MTRF1L: variants seen among roughly 807,000 people sequenced by gnomAD.
MTRF1L encodes the protein mitochondrial translation release factor 1 like.
In MTRF1L, 29 loss-of-function variants were observed where a neutral mutation model predicts 40.0. The observed-to-expected ratio is 0.73, with a 90% CI of 0.54 to 0.99. The LOEUF is 0.99. Ranked by LOEUF, MTRF1L falls within the 50% of genes least tolerant of loss-of-function variation. The pLI is 0.00. For synonymous variants in MTRF1L, 150 were observed against 175.8 expected, an observed-to-expected ratio of 0.85 and a Z score of 1.16; for missense variants, 412 against 464.5, an observed-to-expected ratio of 0.89 and a Z score of 1.04.
intron 3 of MTRF1L, 139 bp from the exon 4 acceptor site, chr6:152,994,815 T>A: frequency 9.5e-7 from 1 of 1,057,288 alleles, no homozygotes; most frequent in Non-Finnish European, 1.4e-6. Flanking sequence ...CATATTAAAA[T>A]ATTCAATGTT....
Position 153,002,651 on chromosome 6 carries a change from C to G in MTRF1L, c.35G>C (p.Trp12Ser). The G allele has an allele frequency of 6.6e-7, 1 of 1,507,696 alleles. No homozygotes were observed. Among genetic ancestry groups the G allele is most frequent in the Non-Finnish European group, 8.8e-7 (1 of 1,131,960 alleles). The allele number at this position is 1,507,696 out of a possible 1,614,324, so 93.4% of individuals were successfully genotyped here. A position where few individuals can be genotyped will look rare whatever the true frequency, so the allele number is the denominator to read the frequency against. ...GCCAACGGCCCGGCGGGGCCAGAGC[C>G]ACCGGGCAGCGCCCCACAGAACCCG... The part of the protein sequence containing the change: ...RSRVLWGAAR[W>S]LWPRRAVGPA... The change falls in exon 1 of 7, where the codon TGG (tryptophan) becomes TCG (serine). Residue 12 changes from tryptophan to serine, a missense_variant. By Grantham distance (177) the Trp-to-Ser change is radical. Coordinates refer to ENST00000367233, the MANE Select transcript of MTRF1L (RefSeq NM_019041.7).
At position 152,992,991 on chromosome 6, in the gene MTRF1L, T is replaced by G. The variant is rs200791146; in HGVS notation, c.688-17A>C. On this transcript the variant is annotated splice_polypyrimidine_tract_variant and intron_variant, in intron 4 of 6. Coordinates refer to ENST00000367233, the MANE Select transcript of MTRF1L (RefSeq NM_019041.7). The stretch of plus-strand genomic sequence containing the variant: ...CAGATTAATCTATACAGAAGAAAAG[T>G]TGGGATTTTAAAAGATTACATGTAT... 2.3e-5 allele frequency: 37 copies of G among 1,602,224 alleles called. No individual in the cohort carries two copies. The East Asian group carries it at 2.7e-4, about 12-fold the overall frequency.
At chr6:152,995,415 T>G in intron 2 of MTRF1L, 96 bp from the exon 3 acceptor site, 1 of 1,143,480 alleles carries the variant, frequency 8.7e-7, no homozygotes, top group Non-Finnish European at 1.2e-6. Flanking sequence ...AATATTTAAG[T>G]TTCGCCAAGC....
intron 4 of MTRF1L, among the ~76,000 whole-genome samples, chr6:152,993,299 T>TA (rs375425060): frequency 1.1e-4 from 16 of 152,186 alleles, no homozygotes; most frequent in African/African-American, 3.9e-4. Context: ...ACTGAATGTT[T>TA]AAGGTTTTTT....
intron 2 of MTRF1L, among the ~76,000 whole-genome samples, chr6:152,995,790 GA>G (rs1015442407): frequency 1.6e-4 from 24 of 152,212 alleles, no homozygotes; most frequent in African/African-American, 5.8e-4. Flanking sequence ...TTGTAATTTT[GA>G]AACTAAAAAG....
At chr6:152,999,272 T>A (rs767353575) in intron 1 of MTRF1L, among the ~76,000 whole-genome samples, 4 of 125,252 alleles carry the variant, frequency 3.2e-5, no homozygotes, top group Non-Finnish European at 5.3e-5. Context: ...ATAGATGATA[T>A]GCAGCATATA....
intron 2 of MTRF1L, among the ~76,000 whole-genome samples, chr6:152,996,177 T>G (rs1778708175): frequency 1.3e-5 from 2 of 152,198 alleles, no homozygotes; most frequent in African/African-American, 4.8e-5. Flanking sequence ...AATAATCTAG[T>G]GGCTCAACAT....
chr6:152,991,935 C>T (rs2129097696), intron 5 of MTRF1L, among the ~76,000 whole-genome samples: 1 of 152,270 alleles, frequency 6.6e-6, no homozygotes, highest in Non-Finnish European at 1.5e-5. Flanking sequence ...CTCAGCTAGC[C>T]ACCATGTTTT....
intron 2 of MTRF1L, 61 bp downstream of exon 2, chr6:152,998,489 T>C (rs1265501741): frequency 7.8e-7 from 1 of 1,276,818 alleles, no homozygotes; most frequent in East Asian, 2.6e-5. Flanking sequence ...TTATAAACCT[T>C]TAATAAACTT....
chr6:153,002,567 C>G lies in MTRF1L; in HGVS notation c.119G>C (p.Gly40Ala), dbSNP rs1037251084. Residue 40 changes from glycine to alanine, a missense_variant, in exon 1 of 7, where the codon GGC becomes GCC. Gly to Ala is a moderately conservative substitution (Grantham distance 60). Coordinates refer to ENST00000367233, the MANE Select transcript of MTRF1L (RefSeq NM_019041.7). Reference protein sequence around the residue: ...SPPLEELFTRGGPLRTFLERQ... With the variant: ...SPPLEELFTRAGPLRTFLERQ... ...CTCGAGGAAGGTCCGCAAGGGCCCG[C>G]CCCGGGTGAACAGCTCCTCCAGCGG... 5 of 1,575,076 alleles carry G rather than the reference C, an allele frequency of 3.2e-6. No individual in the cohort carries two copies. The highest frequency in any genetic ancestry group is 3.4e-6 in the Non-Finnish European group (4 of 1,161,708).
intron 1 of MTRF1L, among the ~76,000 whole-genome samples, chr6:153,000,457 T>A (rs1778871985): frequency 6.6e-6 from 1 of 152,222 alleles, no homozygotes; most frequent in Non-Finnish European, 1.5e-5. Flanking sequence ...CTAAAGGGTT[T>A]AGAATTAGGA....
intron 3 of MTRF1L, 175 bp from the exon 4 acceptor site, chr6:152,994,851 A>G: frequency 1.2e-6 from 1 of 867,812 alleles, no homozygotes; most frequent in Non-Finnish European, 1.8e-6. Context: ...ACTGCTTACA[A>G]GTACTAAACA....
chr6:152,997,798 C>T (rs957076134), intron 2 of MTRF1L, among the ~76,000 whole-genome samples: 2 of 152,176 alleles, frequency 1.3e-5, no homozygotes, highest in African/African-American at 4.8e-5. Flanking sequence ...ATTTTGAGAG[C>T]TTCAATGGGA....
At chr6:152,999,282 A>G (rs1778825239) in intron 1 of MTRF1L, among the ~76,000 whole-genome samples, 1 of 115,120 alleles carries the variant, frequency 8.7e-6, no homozygotes, top group African/African-American at 3.1e-5. Flanking sequence ...TGCAGCATAT[A>G]TAAAGGAGGA....
chr6:152,999,096 T>C (rs1778818421), intron 1 of MTRF1L, among the ~76,000 whole-genome samples: 1 of 152,212 alleles, frequency 6.6e-6, no homozygotes, highest in South Asian at 2.1e-4. Flanking sequence ...GTTTCATTAG[T>C]ATTTTAGTAT....
rs1778981371 is a variant in MTRF1L at position 153,002,687 on chromosome 6, C to T, written c.-2G>A. Reference sequence around the variant, plus strand: ...GCCCCACAGAACCCGGGACCGCATCCTTAGTCCGAGATCGCGGACCCTGAC... The same window carrying T: ...GCCCCACAGAACCCGGGACCGCATCTTTAGTCCGAGATCGCGGACCCTGAC... On this transcript the variant is annotated 5_prime_UTR_variant, in exon 1 of 7. Coordinates refer to ENST00000367233, the MANE Select transcript of MTRF1L (RefSeq NM_019041.7). 2 of 1,480,748 alleles carry T rather than the reference C, an allele frequency of 1.4e-6. No homozygotes were observed. Among genetic ancestry groups the T allele is most frequent in the South Asian group, 1.4e-5 (1 of 72,252 alleles). 91.7% of individuals were successfully genotyped at this position (1,480,748 alleles called of 1,614,324 possible). A position where few individuals can be genotyped will look rare whatever the true frequency, so the allele number is the denominator to read the frequency against.
At chr6:153,000,478 G>C (rs1412722011) in intron 1 of MTRF1L, among the ~76,000 whole-genome samples, 1 of 152,094 alleles carries the variant, frequency 6.6e-6, no homozygotes, top group Non-Finnish European at 1.5e-5. Flanking sequence ...GTTACTCACA[G>C]GCAATGGTAA....
chr6:153,002,282 G>T (rs1053487163), intron 1 of MTRF1L, 145 bp downstream of exon 1: 4 of 1,230,992 alleles, frequency 3.2e-6, no homozygotes, highest in East Asian at 5.0e-5. Context: ...ATCACAGCAC[G>T]TAATGATGTC....
Position 152,994,585 on chromosome 6 carries a change from C to T in MTRF1L, c.615G>A (p.Val205=). Residue 205 remains valine (V), a synonymous_variant, in exon 4 of 7, where the codon GTG becomes GTA. Coordinates refer to ENST00000367233, the MANE Select transcript of MTRF1L (RefSeq NM_019041.7). ...CGCGGCCTTGCTTTTCTGTCTTTGG[C>T]ACTCTTTGTACTCTGTGAACACCTC... ...FEGGVHRVQR[V]PKTEKQGRVH... is the part of the protein sequence containing the mutation. The T allele has an allele frequency of 6.2e-7, 1 of 1,613,336 alleles. No individual in the cohort carries two copies. Among genetic ancestry groups the T allele is most frequent in the Non-Finnish European group, 8.5e-7 (1 of 1,179,996 alleles).
Sources: gnomAD v4.1 joint callset for allele counts (sites outside exome capture counted in the v4.1 genomes callset) on GRCh38, gnomAD v4.1.1 for gene constraint, MANE v1.5 for transcripts, NCBI Gene and HGNC (gene_info 2026-07-23, HGNC 2026-07-21) for gene names.